Variants in PTPRD observed in about 807,000 individuals in gnomAD.
PTPRD encodes receptor-type tyrosine-protein phosphatase delta.
Under a neutral mutation model 214.5 loss-of-function variants are expected in PTPRD, and 34 were observed. The ratio of observed to expected loss-of-function variants is 0.16; its 90% CI spans 0.12 to 0.21. PTPRD has a LOEUF of 0.21. Among genes scored for constraint, PTPRD ranks in the 10% least tolerant of loss-of-function variants. PTPRD has a pLI of 1.00. For synonymous variants in PTPRD, 1,128 were observed against 845.7 expected (o/e 1.33, Z -5.79); for missense variants, 2,545 against 2,398.7 (o/e 1.06, Z -1.27).
intron 5 of PTPRD, among the ~76,000 whole-genome samples, chr9:9,770,236 G>C (rs867033925): frequency 5.3e-5 from 8 of 152,192 alleles, no homozygotes; most frequent in Non-Finnish European, 4.4e-5. Flanking sequence ...AAGTGTAAAA[G>C]CGTTCCTATT....
chr9:9,463,163 C>T (rs1330697390), intron 8 of PTPRD, among the ~76,000 whole-genome samples: 1 of 152,108 alleles, frequency 6.6e-6, no homozygotes, highest in Admixed American at 6.5e-5. Flanking sequence ...TACCTTGGCT[C>T]TCCCAGTTGT....
intron 2 of PTPRD, among the ~76,000 whole-genome samples, chr9:10,546,684 T>C (rs1362200224): frequency 2.0e-5 from 3 of 151,994 alleles, no homozygotes; most frequent in Non-Finnish European, 4.4e-5. Context: ...TCCTTATCAA[T>C]GAAGCATAAT....
chr9:8,760,025 G>A (rs2094308914), intron 11 of PTPRD, among the ~76,000 whole-genome samples: 1 of 152,156 alleles, frequency 6.6e-6, no homozygotes, highest in African/African-American at 2.4e-5. Flanking sequence ...CCTCAGATGT[G>A]GGACTCAGTG....
chr9:8,451,781 C>G, intron 33 of PTPRD: 1 of 407,654 alleles, frequency 2.5e-6, no homozygotes, highest in Non-Finnish European at 4.9e-6. Context: ...TGTGTCAGGC[C>G]CAACGACTAA....
intron 12 of PTPRD, among the ~76,000 whole-genome samples, chr9:8,669,667 G>C (rs1482419882): frequency 6.6e-6 from 1 of 152,190 alleles, no homozygotes. Context: ...TTAGGATACA[G>C]TAAATTAGAA....
At chr9:10,544,917 C>G (rs1031122317) in intron 2 of PTPRD, among the ~76,000 whole-genome samples, 1 of 152,094 alleles carries the variant, frequency 6.6e-6, no homozygotes, top group Non-Finnish European at 1.5e-5. Context: ...AATTCTGTCC[C>G]GTACTTACCT....
chr9:8,727,928 A>C (rs2098603797), intron 12 of PTPRD, among the ~76,000 whole-genome samples: 1 of 152,230 alleles, frequency 6.6e-6, no homozygotes, highest in Non-Finnish European at 1.5e-5. Flanking sequence ...GTTTATACTC[A>C]GTACCAACAC....
intron 7 of PTPRD, among the ~76,000 whole-genome samples, chr9:9,724,576 A>G (rs574365993): frequency 6.6e-6 from 1 of 152,318 alleles, no homozygotes; most frequent in East Asian, 1.9e-4. Flanking sequence ...CAATATTAAC[A>G]GATCCTTAAG....
rs117681090 is a variant in PTPRD, at chr9:9,474,536, C to T, written c.-236-77054G>A. 3.1e-3 allele frequency among the ~76,000 whole-genome samples: 468 copies of T among 152,020 alleles called. 5 individuals are homozygous for T. The highest frequency in any genetic ancestry group is 5.0e-3 in the Non-Finnish European group (338 of 67,914). On this transcript the variant is annotated intron_variant, in intron 8 of 45. Coordinates refer to ENST00000381196, the MANE Select transcript of PTPRD (RefSeq NM_002839.4). ...AATCTATAGATTGCTTTGGTCGTTA[C>T]GGTAATTTTAAAAATATTAATTCTT...
chr9:10,210,376 T>C (rs1018544902), intron 3 of PTPRD, among the ~76,000 whole-genome samples: 1 of 152,104 alleles, frequency 6.6e-6, no homozygotes, highest in Non-Finnish European at 1.5e-5. Context: ...GGCATTTTCA[T>C]AGGTATCCAG....
intron 11 of PTPRD, among the ~76,000 whole-genome samples, chr9:8,834,290 A>G (rs1400910800): frequency 1.3e-5 from 2 of 152,148 alleles, no homozygotes; most frequent in African/African-American, 4.8e-5. Context: ...CCTAGGTATT[A>G]AAAACTGGTT....
At chr9:9,320,680 A>G (rs528372563) in intron 9 of PTPRD, among the ~76,000 whole-genome samples, 102 of 152,220 alleles carry the variant, frequency 6.7e-4, no homozygotes, top group Non-Finnish European at 1.1e-3. Flanking sequence ...CAGCAAAACC[A>G]TACAAGTCTA....
intron 2 of PTPRD, among the ~76,000 whole-genome samples, chr9:10,359,643 A>G (rs1213029350): frequency 6.6e-6 from 1 of 152,234 alleles, no homozygotes; most frequent in Admixed American, 6.5e-5. Flanking sequence ...AATCTCGAAA[A>G]TATCTGTTTT....
At chr9:9,767,474 C>A (rs1352955838) in intron 5 of PTPRD, among the ~76,000 whole-genome samples, 2 of 151,882 alleles carry the variant, frequency 1.3e-5, no homozygotes, top group Non-Finnish European at 2.9e-5. Context: ...CACCAAATTT[C>A]TATTATTTCT....
At chr9:8,836,046 C>A (rs1396366895) in intron 11 of PTPRD, among the ~76,000 whole-genome samples, 1 of 152,042 alleles carries the variant, frequency 6.6e-6, no homozygotes, top group Non-Finnish European at 1.5e-5. Context: ...ACATATATAC[C>A]GGTTTAATTA....
rs373506645 is a variant in PTPRD at position 9,520,695 on chromosome 9, A to T, written c.-237+54037T>A. ...TCTTGAAAGTAATTGGCAGCTGGAG[A>T]AACCTTTTATAAGCAAACAACTTCT... On this transcript the variant is annotated intron_variant, in intron 8 of 45. Coordinates refer to ENST00000381196, the MANE Select transcript of PTPRD (RefSeq NM_002839.4). Among the ~76,000 whole-genome samples the T allele has an allele frequency of 2.2e-4, 33 of 152,296 alleles. 1 individual carries two copies. The highest frequency in any genetic ancestry group is 7.7e-4 in the African/African-American group (32 of 41,560).
chr9:8,509,478 G>A (rs950145435), intron 21 of PTPRD, among the ~76,000 whole-genome samples: 1 of 152,050 alleles, frequency 6.6e-6, no homozygotes, highest in Non-Finnish European at 1.5e-5. Flanking sequence ...GAAAGTTTGT[G>A]TTAACTCCTG....
chr9:9,274,877 A>C (rs1180712728), intron 9 of PTPRD, among the ~76,000 whole-genome samples: 1 of 148,400 alleles, frequency 6.7e-6, no homozygotes, highest in African/African-American at 2.5e-5. Context: ...GAATGATTCT[A>C]CTCGTAAATA....
chr9:9,340,818 T>C (rs1251212105), intron 9 of PTPRD, among the ~76,000 whole-genome samples: 1 of 152,164 alleles, frequency 6.6e-6, no homozygotes, highest in African/African-American at 2.4e-5. Flanking sequence ...CATTGACAAA[T>C]AAATGATTTT....
Sources: gnomAD v4.1 joint callset for allele counts (sites outside exome capture counted in the v4.1 genomes callset) on GRCh38, gnomAD v4.1.1 for gene constraint, MANE v1.5 for transcripts, NCBI Gene and HGNC (gene_info 2026-07-23, HGNC 2026-07-21) for gene names.